Variants in GPD2 observed in about 807,000 individuals in gnomAD.
The protein encoded by GPD2 is glycerol-3-phosphate dehydrogenase, mitochondrial.
A neutral mutation model predicts 82.4 loss-of-function variants in GPD2; 54 were observed. The ratio of observed to expected loss-of-function variants is 0.66; its 90% CI spans 0.53 to 0.82. The LOEUF is 0.82. GPD2 is among the 40% of genes least tolerant of loss of function. The pLI is 0.00. For synonymous variants in GPD2, 288 were observed against 306.1 expected (o/e 0.94, Z 0.62); for missense variants, 748 against 896.2 (o/e 0.83, Z 2.11).
intron 1 of GPD2, among the ~76,000 whole-genome samples, chr2:156,466,841 GC>G (rs969622358): frequency 5.3e-5 from 8 of 152,070 alleles, no homozygotes; most frequent in African/African-American, 1.9e-4. Context: ...CCTTTTACTT[GC>G]ATTTTTTGAA....
chr2:156,542,956 C>G (rs1049851235), intron 6 of GPD2, among the ~76,000 whole-genome samples: 1 of 152,142 alleles, frequency 6.6e-6, no homozygotes, highest in African/African-American at 2.4e-5. Context: ...TAATCTTATT[C>G]TCCCTAAATC....
chr2:156,488,409 G>A (rs770311870), intron 2 of GPD2, among the ~76,000 whole-genome samples: 3 of 152,096 alleles, frequency 2.0e-5, no homozygotes, highest in Non-Finnish European at 4.4e-5. Context: ...TCCATCGATC[G>A]ACTCATATAT....
At chr2:156,441,039 T>G (rs1482287524) in intron 1 of GPD2, among the ~76,000 whole-genome samples, 2 of 152,182 alleles carry the variant, frequency 1.3e-5, no homozygotes, top group Admixed American at 1.3e-4. Context: ...GGAAATCCAG[T>G]CAGTCACCAG....
At chr2:156,432,546 C>CCTGCAGCTGCATCCATATG (rs1200827546), upstream of GPD2, among the ~76,000 whole-genome samples, 2 of 146,918 alleles carry the variant, frequency 1.4e-5, no homozygotes, top group Non-Finnish European at 3.1e-5. Flanking sequence ...AGGATAACGG[C>CCTGCAGCTGCATCCATATG]CTGCAGCTGC....
At chr2:156,436,176 C>G (rs1415699964), upstream of GPD2, among the ~76,000 whole-genome samples, 1 of 152,238 alleles carries the variant, frequency 6.6e-6, no homozygotes, top group East Asian at 1.9e-4. Context: ...ACCCCGGCCC[C>G]GGTTCCCGCC....
intron 13 of GPD2, among the ~76,000 whole-genome samples, chr2:156,575,402 CTTTT>C (rs35297244): frequency 1.2e-4 from 11 of 91,190 alleles, no homozygotes; most frequent in Non-Finnish European, 1.6e-4. Flanking sequence ...CTTTTCTTTT[CTTTT>C]TTTTTTTTTT....
upstream of GPD2, among the ~76,000 whole-genome samples, chr2:156,430,839 C>G (rs1688308728): frequency 6.6e-6 from 1 of 152,212 alleles, no homozygotes; most frequent in Non-Finnish European, 1.5e-5. Context: ...AGACTCATCA[C>G]TGGAAAGTAC....
chr2:156,450,753 T>G (rs1573878948), intron 1 of GPD2, among the ~76,000 whole-genome samples: 1 of 88,374 alleles, frequency 1.1e-5, no homozygotes, highest in African/African-American at 4.1e-5. Flanking sequence ...GGAGGGAAGG[T>G]CAGCAGATAA....
At chr2:156,536,334 T>G (rs1686079082) in intron 6 of GPD2, among the ~76,000 whole-genome samples, 1 of 152,206 alleles carries the variant, frequency 6.6e-6, no homozygotes, top group Non-Finnish European at 1.5e-5. Context: ...CTCCTTAAGG[T>G]GAGTAGACTA....
chr2:156,518,557 A>G (rs1421173470), intron 6 of GPD2, among the ~76,000 whole-genome samples: 7 of 152,212 alleles, frequency 4.6e-5, no homozygotes, highest in Non-Finnish European at 2.9e-5. Flanking sequence ...TGCACCTGCA[A>G]TTGTACACTT....
intron 1 of GPD2, among the ~76,000 whole-genome samples, chr2:156,438,620 A>C (rs557850476): frequency 2.6e-5 from 4 of 152,314 alleles, no homozygotes; most frequent in Admixed American, 2.6e-4. Flanking sequence ...GTTTCTGTTT[A>C]GGTTTTCCAA....
the GPD2 span, among the ~76,000 whole-genome samples, chr2:156,400,726 G>A: frequency 2.0e-5 from 3 of 152,240 alleles, no homozygotes; most frequent in African/African-American, 7.2e-5. Context: ...ACTAGAGCTA[G>A]CAGACTGAAT....
At chr2:156,526,376 T>C (rs752749448) in intron 6 of GPD2, among the ~76,000 whole-genome samples, 18 of 152,164 alleles carry the variant, frequency 1.2e-4, no homozygotes, top group Non-Finnish European at 2.1e-4. Flanking sequence ...ATGTAAAATA[T>C]GCTGTGATTT....
At chr2:156,522,085 A>G (rs1685429678) in intron 6 of GPD2, among the ~76,000 whole-genome samples, 1 of 152,030 alleles carries the variant, frequency 6.6e-6, no homozygotes, top group Non-Finnish European at 1.5e-5. Context: ...TGTGGCTTCA[A>G]AGGAAACCTT....
Position 156,513,247 on chromosome 2 carries a change from A to G in GPD2, c.498-86A>G. On this transcript the variant is annotated intron_variant, in intron 5 of 16. Coordinates refer to ENST00000438166, the MANE Select transcript of GPD2 (RefSeq NM_000408.5). ...CTTCTAGGTATGCTTTGTTTTTCTTAAATGAAAGTGTCTTGTAGTGTAAGG... is the reference window on the plus strand; with the variant it reads ...CTTCTAGGTATGCTTTGTTTTTCTTGAATGAAAGTGTCTTGTAGTGTAAGG... 4.9e-6 allele frequency: 5 copies of G among 1,020,226 alleles called. No homozygotes were observed. In the South Asian group the frequency reaches 6.4e-5, roughly 13 times the overall value. 63.2% of individuals were successfully genotyped at this position (1,020,226 alleles called of 1,614,324 possible).
chr2:156,548,940 T>C (rs1334382455), intron 6 of GPD2, among the ~76,000 whole-genome samples: 1 of 152,098 alleles, frequency 6.6e-6, no homozygotes, highest in Non-Finnish European at 1.5e-5. Flanking sequence ...CTCCTCCCCC[T>C]TAGTTTTCTT....
chr2:156,558,862 G>A (rs995932098), intron 9 of GPD2, among the ~76,000 whole-genome samples: 14 of 139,564 alleles, frequency 1.0e-4, no homozygotes, highest in Non-Finnish European at 1.4e-4. Flanking sequence ...ATGATCCACC[G>A]GCCTCGGCCT....
chr2:156,409,914 A>T, the GPD2 span, among the ~76,000 whole-genome samples: 10 of 152,032 alleles, frequency 6.6e-5, no homozygotes, highest in Admixed American at 5.3e-4. Flanking sequence ...ACACAGTGAG[A>T]CACCAGCTAA....
intron 6 of GPD2, among the ~76,000 whole-genome samples, chr2:156,519,281 T>G (rs1685308337): frequency 6.6e-6 from 1 of 152,176 alleles, no homozygotes; most frequent in African/African-American, 2.4e-5. Flanking sequence ...ATTTTCAAGA[T>G]AGATGTGTTT....
Sources: gnomAD v4.1 joint callset for allele counts (sites outside exome capture counted in the v4.1 genomes callset) on GRCh38, gnomAD v4.1.1 for gene constraint, MANE v1.5 for transcripts, NCBI Gene and HGNC (gene_info 2026-07-23, HGNC 2026-07-21) for gene names.